TNFRSF19: variants seen among roughly 807,000 people sequenced by gnomAD.
The protein encoded by TNFRSF19 is TNF receptor superfamily member 19.
TNFRSF19 carries 27 observed loss-of-function variants against 46.4 expected under a neutral mutation model. That is an observed-to-expected ratio of 0.58 (90% confidence interval 0.43 to 0.80). The LOEUF (loss-of-function observed/expected upper bound fraction) is 0.80, where lower values mean the gene tolerates loss of function less well. Ranked by LOEUF, TNFRSF19 falls within the 30% of genes least tolerant of loss-of-function variation. TNFRSF19 has a pLI of 0.00. For synonymous variants in TNFRSF19, 204 were observed against 205.0 expected (o/e 1.00, Z 0.04); for missense variants, 511 against 530.8 (o/e 0.96, Z 0.37).
At chr13:23,619,610 G>C (rs1414398987) in intron 4 of TNFRSF19, among the ~76,000 whole-genome samples, 3 of 152,148 alleles carry the variant, frequency 2.0e-5, no homozygotes, top group African/African-American at 7.2e-5. Flanking sequence ...TGATATCTAT[G>C]GATAGCATTA....
chr13:23,636,176 G>A (rs1409444183), intron 5 of TNFRSF19, among the ~76,000 whole-genome samples: 1 of 152,148 alleles, frequency 6.6e-6, no homozygotes, highest in East Asian at 1.9e-4. Context: ...AGACCAACGG[G>A]TTATGTTATG....
intron 4 of TNFRSF19, among the ~76,000 whole-genome samples, chr13:23,619,663 C>T (rs1344603371): frequency 1.3e-5 from 2 of 152,178 alleles, no homozygotes; most frequent in Non-Finnish European, 2.9e-5. Flanking sequence ...AGGACATGAA[C>T]GGAACATCTC....
Position 23,656,071 on chromosome 13 carries a change from C to T in TNFRSF19, c.446-2979C>T, listed in dbSNP as rs145546495. Among the ~76,000 whole-genome samples the T allele has an allele frequency of 6.6e-5, 10 of 152,282 alleles. No individual in the cohort carries two copies. In the East Asian group the frequency reaches 1.9e-3, roughly 29 times the overall value. On this transcript the variant is annotated intron_variant, in intron 5 of 9. Coordinates refer to ENST00000248484, the MANE Select transcript of TNFRSF19 (RefSeq NM_148957.4). The stretch of plus-strand genomic sequence containing the variant: ...GAGCCCTACTTCCCATGAGCACTCT[C>T]TGAGGGTGTTTGGATCAATAAGATG...
chr13:23,646,041 C>G (rs1393528386), intron 5 of TNFRSF19, among the ~76,000 whole-genome samples: 2 of 152,178 alleles, frequency 1.3e-5, no homozygotes, highest in Non-Finnish European at 2.9e-5. Flanking sequence ...TCCAATTACT[C>G]TTAGAACAAA....
At chr13:23,600,146 T>C (rs1880030784) in intron 3 of TNFRSF19, among the ~76,000 whole-genome samples, 1 of 152,300 alleles carries the variant, frequency 6.6e-6, no homozygotes, top group Middle Eastern at 3.4e-3. Flanking sequence ...CTATTAGCCT[T>C]AATATTTTTG....
intron 5 of TNFRSF19, among the ~76,000 whole-genome samples, chr13:23,627,349 A>G (rs1882078107): frequency 6.6e-6 from 1 of 152,252 alleles, no homozygotes; most frequent in Non-Finnish European, 1.5e-5. Flanking sequence ...ATACAACTGT[A>G]TATGAGAAAA....
At chr13:23,605,600 A>G (rs574042501) in intron 3 of TNFRSF19, among the ~76,000 whole-genome samples, 2 of 152,270 alleles carry the variant, frequency 1.3e-5, no homozygotes, top group East Asian at 1.9e-4. Flanking sequence ...ATAAGCTGTG[A>G]TCCCTACAAT....
chr13:23,626,819 C>T (rs1187369513), intron 5 of TNFRSF19, 27 bp downstream of exon 5: 2 of 1,606,236 alleles, frequency 1.2e-6, no homozygotes, highest in Admixed American at 3.4e-5. Flanking sequence ...CAGGCAGAGC[C>T]AAGGGGACGC....
intron 7 of TNFRSF19, among the ~76,000 whole-genome samples, chr13:23,662,814 G>A (rs1304182605): frequency 6.6e-6 from 1 of 152,090 alleles, no homozygotes; most frequent in Non-Finnish European, 1.5e-5. Context: ...TTGGCTCTTG[G>A]CTTGGCCGTT....
At position 23,659,087 on chromosome 13, in the gene TNFRSF19, G is replaced by A; in HGVS notation, c.483G>A (p.Thr161=). 4 of 1,613,878 alleles carry A rather than the reference G, an allele frequency of 2.5e-6. No homozygotes were observed. The highest frequency in any genetic ancestry group is 3.4e-6 in the Non-Finnish European group (4 of 1,180,014). ...TCAACCTCGTGAAGATCGCGTCCAC[G>A]GCCTCCAGCCCACGGGACACGGCGC... ...SKVNLVKIAS[T]ASSPRDTALA... is the part of the protein sequence containing the mutation. Residue 161 remains threonine (T), a synonymous_variant, in exon 6 of 10, where the codon ACG becomes ACA. Coordinates refer to ENST00000248484, the MANE Select transcript of TNFRSF19 (RefSeq NM_148957.4). The surrounding 1 kb of genome is among the most constrained non-coding windows in gnomAD (Gnocchi z 4.9).
chr13:23,668,814 C>G lies in TNFRSF19; in HGVS notation c.962C>G (p.Ser321Cys). Residue 321 changes from serine to cysteine, a missense_variant, in exon 9 of 10, where the codon TCT (serine) becomes TGT (cysteine). By Grantham distance (112) the Ser-to-Cys change is moderately radical (BLOSUM62 -1). Coordinates refer to ENST00000248484, the MANE Select transcript of TNFRSF19 (RefSeq NM_148957.4). ...AATCCCATGGGTGGTGACAACATCT[C>G]TTTTTGTGACTCTTATCCTGAACTC... ...MQNPMGGDNI[S>C]FCDSYPELTG... 6.2e-7 allele frequency: 1 copy of G among 1,614,222 alleles called. No homozygotes were observed. The highest frequency in any genetic ancestry group is 8.5e-7 in the Non-Finnish European group (1 of 1,180,048).
chr13:23,662,025 A>G (rs572298806), intron 7 of TNFRSF19, among the ~76,000 whole-genome samples: 65 of 152,294 alleles, frequency 4.3e-4, no homozygotes, highest in African/African-American at 1.4e-3. Context: ...GCTATGCAGA[A>G]GGTCTTAAGT....
At chr13:23,620,949 G>C (rs1469598164) in intron 4 of TNFRSF19, among the ~76,000 whole-genome samples, 1 of 152,130 alleles carries the variant, frequency 6.6e-6, no homozygotes, top group Non-Finnish European at 1.5e-5. Context: ...GAGGGAAACT[G>C]GTTCTCAGAG....
chr13:23,668,160 T>G, intron 8 of TNFRSF19, 78 bp downstream of exon 8: 1 of 1,235,380 alleles, frequency 8.1e-7, no homozygotes, highest in Non-Finnish European at 1.1e-6. Context: ...GATTTTCATC[T>G]GAAATGATGG....
At chr13:23,630,017 A>T (rs1261825036) in intron 5 of TNFRSF19, among the ~76,000 whole-genome samples, 1 of 152,102 alleles carries the variant, frequency 6.6e-6, no homozygotes, top group Non-Finnish European at 1.5e-5. Flanking sequence ...AGCAGCTCAG[A>T]TGGGGGCCAG....
At chr13:23,644,882 C>T (rs991362749) in intron 5 of TNFRSF19, among the ~76,000 whole-genome samples, 10 of 152,108 alleles carry the variant, frequency 6.6e-5, no homozygotes, top group Non-Finnish European at 2.9e-5. Context: ...CAGAATGATT[C>T]CTTAGGAAAA....
In TNFRSF19 at chr13:23,605,351, A is replaced by C. The variant is rs181298031; in HGVS notation, c.181-10516A>C. Among the ~76,000 whole-genome samples the C allele has an allele frequency of 3.1e-3, 478 of 152,362 alleles. 1 individual carries two copies. Among genetic ancestry groups the C allele is most frequent in the Admixed American group, 5.1e-3 (78 of 15,306 alleles). On this transcript the variant is annotated intron_variant, in intron 3 of 9. Transcript: ENST00000248484. Reference sequence around the variant, plus strand: ...AGGATGTGGAGTAACAGGAGTTCTCATTCCTTGCTAGTGGGAATGCAAAAT... The same window carrying C: ...AGGATGTGGAGTAACAGGAGTTCTCCTTCCTTGCTAGTGGGAATGCAAAAT...
At chr13:23,594,084 T>C (rs1288288036) in intron 3 of TNFRSF19, 1 of 320,054 alleles carries the variant, frequency 3.1e-6, no homozygotes, top group African/African-American at 2.2e-5. Context: ...ATACTACGCT[T>C]TTCCCATTGT....
intron 5 of TNFRSF19, among the ~76,000 whole-genome samples, chr13:23,633,393 G>A (rs1438114326): frequency 6.6e-6 from 1 of 152,114 alleles, no homozygotes; most frequent in Non-Finnish European, 1.5e-5. Flanking sequence ...TGACCATGAA[G>A]TCTTTTTCAA....
Sources: gnomAD v4.1 joint callset for allele counts (sites outside exome capture counted in the v4.1 genomes callset) on GRCh38, gnomAD v4.1.1 for gene constraint, Gnocchi (gnomAD v3.1) non-coding constraint, MANE v1.5 for transcripts, NCBI Gene and HGNC (gene_info 2026-07-23, HGNC 2026-07-21) for gene names.